The following NMBR variants were observed in gnomAD, a reference collection of about 807,000 sequenced individuals.
The protein encoded by NMBR is neuromedin-B receptor.
Under a neutral mutation model 20.5 loss-of-function variants are expected in NMBR, and 16 were observed. The observed-to-expected ratio is 0.78, with a 90% CI of 0.53 to 1.19. NMBR has a LOEUF of 1.19. Among genes scored for constraint, NMBR ranks in the 50% most tolerant of loss-of-function variants. The pLI is 0.00. For missense variants in NMBR, 582 were observed against 499.1 expected (o/e 1.17, Z -1.58); for synonymous variants, 212 against 196.6 (o/e 1.08, Z -0.65).
chr6:142,098,794 G>A (rs897250618), intron 1 of NMBR, among the ~76,000 whole-genome samples: 1 of 152,056 alleles, frequency 6.6e-6, no homozygotes, highest in South Asian at 2.1e-4. Context: ...TCCCAGAAAG[G>A]TAATCTGTGG....
At chr6:142,101,839 G>A (rs183337430) in intron 1 of NMBR, among the ~76,000 whole-genome samples, 2 of 152,110 alleles carry the variant, frequency 1.3e-5, no homozygotes, top group African/African-American at 2.4e-5. Context: ...GTCTCAGCAC[G>A]TCATTTATAG....
At chr6:142,126,936 T>TTG (rs1450846436) in intron 1 of NMBR, among the ~76,000 whole-genome samples, 2 of 151,316 alleles carry the variant, frequency 1.3e-5, no homozygotes, top group African/African-American at 2.4e-5. Context: ...CCTTTTACTT[T>TTG]TGTGTGTGTG....
intron 1 of NMBR, among the ~76,000 whole-genome samples, chr6:142,107,302 A>T (rs1485311457): frequency 6.6e-6 from 1 of 152,222 alleles, no homozygotes; most frequent in Non-Finnish European, 1.5e-5. Context: ...AGGGGGCTGA[A>T]TTTAATTGGA....
intron 1 of NMBR, among the ~76,000 whole-genome samples, chr6:142,145,194 G>A (rs1185788719): frequency 1.3e-5 from 2 of 152,218 alleles, no homozygotes; most frequent in East Asian, 1.9e-4. Context: ...ACACATGAAT[G>A]TATGCAAATG....
chr6:142,125,422 C>A (rs1195237940), intron 1 of NMBR, among the ~76,000 whole-genome samples: 1 of 151,534 alleles, frequency 6.6e-6, no homozygotes, highest in African/African-American at 2.4e-5. Flanking sequence ...ACATTTCAAC[C>A]ATATACACAT....
intron 3 of NMBR, among the ~76,000 whole-genome samples, chr6:142,077,069 C>T (rs1482439313): frequency 1.3e-5 from 2 of 152,190 alleles, no homozygotes; most frequent in Admixed American, 1.3e-4. Context: ...AGTTAGGCAA[C>T]CCAACAATCA....
chr6:142,118,452 A>G (rs1777888984), intron 1 of NMBR, among the ~76,000 whole-genome samples: 1 of 151,980 alleles, frequency 6.6e-6, no homozygotes, highest in Non-Finnish European at 1.5e-5. Context: ...AATCACACTT[A>G]TATCCCTTCA....
At chr6:142,143,169 C>G in intron 1 of NMBR, among the ~76,000 whole-genome samples, 1 of 151,946 alleles carries the variant, frequency 6.6e-6, no homozygotes, top group Non-Finnish European at 1.5e-5. Flanking sequence ...AAATCATTTA[C>G]AATGCAATAA....
At chr6:142,101,574 C>G (rs1777565841) in intron 1 of NMBR, among the ~76,000 whole-genome samples, 1 of 152,088 alleles carries the variant, frequency 6.6e-6, no homozygotes. Flanking sequence ...AGGAGAAAAA[C>G]AAAACTTGGT....
chr6:142,075,866 C>T lies in NMBR; in HGVS notation c.955G>A (p.Val319Ile). ...AGTAGGTAAAGAGCAAATGGGTTGACACAAGAATTGCCAAAACTGAGAACC... is the reference window on the plus strand; with the variant it reads ...AGTAGGTAAAGAGCAAATGGGTTGATACAAGAATTGCCAAAACTGAGAACC... The part of the protein sequence containing the change: ...ARVLSFGNSC[V>I]NPFALYLLSE... The change falls in exon 4 of 4, where the codon GTC becomes ATC. Residue 319 changes from valine to isoleucine, a missense_variant. Physicochemically the swap from Val to Ile is conservative, Grantham distance 29 (BLOSUM62 3). Coordinates refer to ENST00000258042, the MANE Select transcript of NMBR (RefSeq NM_002511.4). The T allele has an allele frequency of 6.2e-7, 1 of 1,613,972 alleles. No individual in the cohort carries two copies. Among genetic ancestry groups the T allele is most frequent in the South Asian group, 1.1e-5 (1 of 91,080 alleles).
chr6:142,078,742 A>C lies in NMBR; in HGVS notation c.584T>G (p.Phe195Cys). The C allele has an allele frequency of 6.2e-7, 1 of 1,614,058 alleles. No homozygotes were observed. The highest frequency in any genetic ancestry group is 2.2e-5 in the East Asian group (1 of 44,856). Residue 195 changes from phenylalanine to cysteine, a missense_variant, in exon 3 of 4, where the codon TTC becomes TGC. Transcript: ENST00000258042. ...ARISSLDNSS[F>C]TACIPYPQTD... is the part of the protein sequence containing the mutation. ...TTGAGGGTATGGGATACATGCTGTG[A>C]AGCTGCTATTATCCAAGCTACTGAT...
In NMBR at chr6:142,081,911, G is replaced by T. The variant is rs116154876; in HGVS notation, c.423-3008C>A. On this transcript the variant is annotated intron_variant, in intron 2 of 3. Transcript: ENST00000258042. ...ATGTTGATCAAAAGGCATATAAAGAGAAAAATAATCACTATTCATGTATTA... is the reference window on the plus strand; with the variant it reads ...ATGTTGATCAAAAGGCATATAAAGATAAAAATAATCACTATTCATGTATTA... Among the ~76,000 whole-genome samples, 1,006 of 152,160 alleles carry T rather than the reference G, an allele frequency of 6.6e-3. 14 individuals carry two copies. The highest frequency in any genetic ancestry group is 0.023 in the African/African-American group (940 of 41,520).
chr6:142,145,483 A>T lies in NMBR; in HGVS notation c.-664+1561T>A, dbSNP rs146938774. Among the ~76,000 whole-genome samples the T allele has an allele frequency of 3.6e-3, 543 of 152,318 alleles. 4 individuals carry two copies. Among genetic ancestry groups the T allele is most frequent in the African/African-American group, 0.011 (452 of 41,572 alleles). On this transcript the variant is annotated intron_variant, in intron 1 of 3. Coordinates refer to ENST00000258042, the MANE Select transcript of NMBR (RefSeq NM_002511.4). ...AGATTCTATGTGTCTTATTTTTCTC[A>T]TCTGTAAAATAATAATGATATGTTC...
chr6:142,098,307 A>G (rs1180446580), intron 1 of NMBR, among the ~76,000 whole-genome samples: 2 of 152,246 alleles, frequency 1.3e-5, no homozygotes, highest in African/African-American at 2.4e-5. Context: ...TTCCTTTTCA[A>G]TTTTGTACTG....
At chr6:142,128,583 T>A (rs1428982114) in intron 1 of NMBR, among the ~76,000 whole-genome samples, 1 of 152,062 alleles carries the variant, frequency 6.6e-6, no homozygotes, top group Non-Finnish European at 1.5e-5. Flanking sequence ...AGGAATTGAT[T>A]TTGAATTTTG....
chr6:142,132,456 A>G (rs1778160690), intron 1 of NMBR, among the ~76,000 whole-genome samples: 1 of 152,186 alleles, frequency 6.6e-6, no homozygotes, highest in African/African-American at 2.4e-5. Flanking sequence ...GCCTTGCCTT[A>G]ATTAGTAGTT....
rs1776918919 is a variant in NMBR, at chr6:142,075,624, A to G, written c.*24T>C. 1 of 1,580,654 alleles carries G rather than the reference A, an allele frequency of 6.3e-7. No homozygotes were observed. The highest frequency in any genetic ancestry group is 1.4e-5 in the African/African-American group (1 of 73,950). On this transcript the variant is annotated 3_prime_UTR_variant, in exon 4 of 4. Coordinates refer to ENST00000258042, the MANE Select transcript of NMBR (RefSeq NM_002511.4). ...TTTTAACAGTTACTAAGTTCTCTCC[A>G]GGTAGTGAGTTGAATGGCCAAAATC...
intron 1 of NMBR, among the ~76,000 whole-genome samples, chr6:142,112,192 G>A (rs535911851): frequency 4.7e-4 from 72 of 152,226 alleles, no homozygotes; most frequent in African/African-American, 1.7e-3. Flanking sequence ...GGCCTGAATG[G>A]GAAACTGGTA....
At chr6:142,105,412 T>C (rs1028807713) in intron 1 of NMBR, among the ~76,000 whole-genome samples, 4 of 152,218 alleles carry the variant, frequency 2.6e-5, no homozygotes, top group Non-Finnish European at 4.4e-5. Flanking sequence ...GTATTATCAA[T>C]GTTAAAGCTT....
Sources: allele counts gnomAD v4.1 joint callset (sites outside exome capture counted in the v4.1 genomes callset), GRCh38; gene constraint gnomAD v4.1.1; transcripts MANE v1.5; gene names NCBI Gene and HGNC (gene_info 2026-07-23, HGNC 2026-07-21).